KANSL2: variants seen among roughly 807,000 people sequenced by gnomAD.
The protein encoded by KANSL2 is KAT8 regulatory NSL complex subunit 2, also known as NSL complex protein NSL2.
In KANSL2, 34 loss-of-function variants were observed where a neutral mutation model predicts 55.6. The observed-to-expected ratio is 0.61, with a 90% CI of 0.46 to 0.81. The LOEUF (loss-of-function observed/expected upper bound fraction) is 0.81, where lower values mean the gene tolerates loss of function less well. Ranked by LOEUF, KANSL2 falls within the 40% of genes least tolerant of loss-of-function variation. The pLI is 0.00. For synonymous variants in KANSL2, 209 were observed against 214.3 expected (o/e 0.98, Z 0.22); for missense variants, 502 against 609.9 (o/e 0.82, Z 1.86).
Position 48,660,495 on chromosome 12 carries a change from C to T in KANSL2, c.1098G>A (p.Leu366=), listed in dbSNP as rs201343803. 1.5e-5 allele frequency: 24 copies of T among 1,613,698 alleles called. No individual in the cohort carries two copies. Among genetic ancestry groups the T allele is most frequent in the Non-Finnish European group, 2.0e-5 (24 of 1,179,808 alleles). ...GCTCGGGCTTATACATCTGAGGAGG[C>T]AACTGGAAATGCAGTGGGCAGCAGG... ...EDPCCPLHFQ[L]PPQMYKPEQV... is the part of the protein sequence containing the mutation. The change falls in exon 8 of 10, where the codon TTG becomes TTA. Residue 366 remains leucine, a synonymous_variant. Transcript: ENST00000420613.
intron 4 of KANSL2, among the ~76,000 whole-genome samples, chr12:48,678,781 G>A (rs956881739): frequency 6.6e-6 from 1 of 152,014 alleles, no homozygotes; most frequent in Non-Finnish European, 1.5e-5. Context: ...TAAATTTCCT[G>A]TTTTCTCCCC....
intron 1 of KANSL2, 156 bp from the exon 2 acceptor site, chr12:48,681,797 A>G: frequency 1.1e-6 from 1 of 902,924 alleles, no homozygotes; most frequent in Non-Finnish European, 1.8e-6. Flanking sequence ...CTCCACAGGC[A>G]TCTGTGGCTT....
At chr12:48,678,542 T>C (rs1939865813) in intron 4 of KANSL2, among the ~76,000 whole-genome samples, 1 of 152,204 alleles carries the variant, frequency 6.6e-6, no homozygotes. Flanking sequence ...GACACAAGGT[T>C]TACAAGTATC....
chr12:48,681,196 TG>T (rs1939919379), intron 2 of KANSL2, 185 bp downstream of exon 2: 3 of 500,850 alleles, frequency 6.0e-6, no homozygotes, highest in Non-Finnish European at 1.0e-5. Context: ...ACCAAAGAGG[TG>T]AACTAAGTAA....
chr12:48,659,741 C>G (rs149958232), intron 8 of KANSL2, among the ~76,000 whole-genome samples: 328 of 152,088 alleles, frequency 2.2e-3, no homozygotes, highest in African/African-American at 7.5e-3. Context: ...AAAGTAGAAA[C>G]AGCACAAATA....
In KANSL2 at chr12:48,660,503, A is replaced by C; in HGVS notation, c.1090T>G (p.Phe364Val). ...LSEDPCCPLHFQLPPQMYKPE... is the reference protein window; with the variant it reads ...LSEDPCCPLHVQLPPQMYKPE... Reference sequence around the variant, plus strand: ...TTATACATCTGAGGAGGCAACTGGAAATGCAGTGGGCAGCAGGGATCCTCA... The same window carrying C: ...TTATACATCTGAGGAGGCAACTGGACATGCAGTGGGCAGCAGGGATCCTCA... Residue 364 changes from phenylalanine to valine, a missense_variant, in exon 8 of 10, where the codon TTC (phenylalanine) becomes GTC (valine). By Grantham distance (50) the Phe-to-Val change is conservative. Coordinates refer to ENST00000420613, the MANE Select transcript of KANSL2 (RefSeq NM_017822.4). The C allele has an allele frequency of 3.1e-6, 5 of 1,613,866 alleles. No homozygotes were observed. The highest frequency in any genetic ancestry group is 4.2e-6 in the Non-Finnish European group (5 of 1,179,822).
At chr12:48,673,036 G>C in intron 4 of KANSL2, among the ~76,000 whole-genome samples, 1 of 152,038 alleles carries the variant, frequency 6.6e-6, no homozygotes. Flanking sequence ...TGGGATTACA[G>C]GCATGAGCCA....
Position 48,682,107 on chromosome 12 carries a change from G to A in KANSL2, c.-10+80C>T, listed in dbSNP as rs574550664. On this transcript the variant is annotated intron_variant, in intron 1 of 9. Transcript: ENST00000420613. ...GACTCTGACACTGCTTTGAGGCGGA[G>A]TAGCAGCTCTGAGCTGACAAAAAGA... 24 of 703,036 alleles carry A rather than the reference G, an allele frequency of 3.4e-5. 2 individuals are homozygous for A. Among genetic ancestry groups the A allele is most frequent in the African/African-American group, 2.1e-4 (12 of 57,392 alleles). The allele number at this position is 703,036 out of a possible 1,614,324, so 43.5% of individuals were successfully genotyped here.
At chr12:48,676,582 C>T (rs771192608) in intron 4 of KANSL2, among the ~76,000 whole-genome samples, 1 of 151,934 alleles carries the variant, frequency 6.6e-6, no homozygotes, top group Non-Finnish European at 1.5e-5. Context: ...CATTTGAACC[C>T]GGGAGGCGGA....
At position 48,654,114 on chromosome 12, in the gene KANSL2, G is replaced by A. The variant is rs1939331125; in HGVS notation, c.1409C>T (p.Ala470Val). ...TCCACTCTGAGACAATGGTGCAGAG[G>A]CTTTCTCAGAATTTCGAGATCCCTG... ...RSQGSRNSEKASAPLSQSGLA... is the reference protein window; with the variant it reads ...RSQGSRNSEKVSAPLSQSGLA... The change falls in exon 10 of 10, where the codon GCC becomes GTC. Residue 470 changes from alanine (A) to valine (V), a missense_variant. Coordinates refer to ENST00000420613, the MANE Select transcript of KANSL2 (RefSeq NM_017822.4). The A allele has an allele frequency of 6.2e-7, 1 of 1,612,924 alleles. No individual in the cohort carries two copies. The highest frequency in any genetic ancestry group is 8.5e-7 in the Non-Finnish European group (1 of 1,179,304).
At chr12:48,660,088 G>A (rs773596176) in intron 8 of KANSL2, among the ~76,000 whole-genome samples, 10 of 152,068 alleles carry the variant, frequency 6.6e-5, no homozygotes, top group Non-Finnish European at 1.2e-4. Context: ...GTAACTTTGC[G>A]AATATACTAA....
intron 5 of KANSL2, 32 bp from the exon 6 acceptor site, chr12:48,669,304 C>A: frequency 6.7e-7 from 1 of 1,487,986 alleles, no homozygotes. Flanking sequence ...TGTTATTTGC[C>A]AAGCAATCCA....
At chr12:48,662,569 C>G in intron 7 of KANSL2, 1 of 1,284,046 alleles carries the variant, frequency 7.8e-7, no homozygotes, top group Non-Finnish European at 1.0e-6. Flanking sequence ...CAACTAGAGT[C>G]TGGGTCCTTC....
chr12:48,667,179 C>T (rs1939617275), intron 7 of KANSL2, among the ~76,000 whole-genome samples: 1 of 152,166 alleles, frequency 6.6e-6, no homozygotes, highest in South Asian at 2.1e-4. Flanking sequence ...AGCAAAACTC[C>T]ATCTCCAAAA....
intron 4 of KANSL2, among the ~76,000 whole-genome samples, chr12:48,672,391 A>ATG (rs1491159042): frequency 9.5e-5 from 13 of 136,914 alleles, no homozygotes; most frequent in African/African-American, 3.4e-4. Flanking sequence ...ATATATATAC[A>ATG]TGTATATATA....
At chr12:48,662,814 A>C (rs1939513598) in intron 7 of KANSL2, among the ~76,000 whole-genome samples, 1 of 152,216 alleles carries the variant, frequency 6.6e-6, no homozygotes, top group South Asian at 2.1e-4. Context: ...ACAGTATTAT[A>C]ATATCTAAAA....
chr12:48,664,721 C>T (rs1408321825), intron 7 of KANSL2, among the ~76,000 whole-genome samples: 2 of 151,222 alleles, frequency 1.3e-5, no homozygotes, highest in Non-Finnish European at 2.9e-5. Context: ...GCAAGGATTA[C>T]AGGAACCCGC....
At chr12:48,672,767 A>AT (rs201032909) in intron 4 of KANSL2, among the ~76,000 whole-genome samples, 2,743 of 143,532 alleles carry the variant, frequency 0.019, 88 homozygotes, top group African/African-American at 0.066. Context: ...ACATCAAATA[A>AT]TTTTTTTTTT....
At chr12:48,671,273 T>TC (rs1939708154) in intron 5 of KANSL2, among the ~76,000 whole-genome samples, 1 of 6,188 alleles carries the variant, frequency 1.6e-4, no homozygotes, top group African/African-American at 5.9e-4. Flanking sequence ...TCCGTCTCAA[T>TC]TAAAAAAAAA....
Sources: gnomAD v4.1 joint callset for allele counts (sites outside exome capture counted in the v4.1 genomes callset) on GRCh38, gnomAD v4.1.1 for gene constraint, MANE v1.5 for transcripts, NCBI Gene and HGNC (gene_info 2026-07-23, HGNC 2026-07-21) for gene names.